SLC19A1: variants seen among roughly 807,000 people sequenced by gnomAD.
SLC19A1 encodes the protein reduced folate transporter.
SLC19A1 carries 37 observed loss-of-function variants against 35.3 expected under a neutral mutation model. The ratio of observed to expected loss-of-function variants is 1.05; its 90% CI spans 0.81 to 1.38. The LOEUF (loss-of-function observed/expected upper bound fraction) is 1.38, where lower values mean the gene tolerates loss of function less well. Ranked by LOEUF, SLC19A1 falls within the 40% of genes most tolerant of loss-of-function variation. SLC19A1 has a pLI of 0.00. For missense variants in SLC19A1, 831 were observed against 826.9 expected (o/e 1.00, Z -0.06); for synonymous variants, 460 against 398.5 (o/e 1.15, Z -1.84).
intron 5 of SLC19A1, among the ~76,000 whole-genome samples, chr21:45,522,489 C>T (rs1414388008): frequency 1.3e-5 from 2 of 152,204 alleles, no homozygotes; most frequent in African/African-American, 4.8e-5. Context: ...ACTTGCACTT[C>T]TGGGCGTCTG....
chr21:45,533,219 G>A lies in SLC19A1; in HGVS notation c.190-1071C>T, dbSNP rs1229735738. The stretch of plus-strand genomic sequence containing the variant: ...CAGCCTTGGCCACTGAGCTGCTGGT[G>A]GACACTCCAGGCCTGGCTTCCATGC... On this transcript the variant is annotated intron_variant, in intron 2 of 5. Coordinates refer to ENST00000311124, the MANE Select transcript of SLC19A1 (RefSeq NM_194255.4). This position sits in a 1 kb window ranked among gnomAD's most constrained non-coding sequence, Gnocchi z 4.5. 3.9e-5 allele frequency among the ~76,000 whole-genome samples: 6 copies of A among 152,340 alleles called. No individual in the cohort carries two copies. The East Asian group carries it at 7.7e-4, about 20-fold the overall frequency.
At chr21:45,503,097 G>T (rs1348789265) in intron 3 of SLC19A1, 3 of 152,188 alleles carry the variant, frequency 2.0e-5, no homozygotes, top group Admixed American at 6.5e-5. Context: ...GTAATGGGAT[G>T]GCTGGGTCAA....
chr21:45,545,628 CACAGAT>C (rs2078406522), upstream of SLC19A1, among the ~76,000 whole-genome samples: 2 of 152,152 alleles, frequency 1.3e-5, no homozygotes, highest in African/African-American at 4.8e-5. Context: ...AAGACATATG[CACAGAT>C]ACAGAGACGT....
At position 45,540,928 on chromosome 21, in the gene SLC19A1, C is replaced by A. The variant is rs577765331; in HGVS notation, c.-50+1440G>T. On this transcript the variant is annotated intron_variant, in intron 1 of 5. Transcript: ENST00000311124. This position sits in a 1 kb window ranked among gnomAD's most constrained non-coding sequence, Gnocchi z 5.5. ...CAGAGACCCGCAATCAAAACACAAG[C>A]AAACGCCACCTATCATTCCGTGTTT... is the stretch of plus-strand genomic sequence containing the variant. 6.6e-6 allele frequency among the ~76,000 whole-genome samples: 1 copy of A among 152,310 alleles called. No individual in the cohort carries two copies. The highest frequency in any genetic ancestry group is 2.1e-4 in the South Asian group (1 of 4,826).
At chr21:45,504,768 C>T (rs530826969) in intron 3 of SLC19A1, among the ~76,000 whole-genome samples, 238 of 152,254 alleles carry the variant, frequency 1.6e-3, no homozygotes, top group African/African-American at 3.6e-3. Context: ...CCCCCTGCAG[C>T]GTTCCATGGC....
upstream of SLC19A1, among the ~76,000 whole-genome samples, chr21:45,545,243 G>C (rs2078401590): frequency 6.6e-6 from 1 of 152,214 alleles, no homozygotes; most frequent in Admixed American, 6.5e-5. Context: ...GTTGGAAGTG[G>C]GGCCTGGCGG....
intron 1 of SLC19A1, among the ~76,000 whole-genome samples, chr21:45,555,934 C>T (rs3827266): frequency 0.35 from 52,571 of 152,014 alleles, 9,276 homozygotes; most frequent in East Asian, 0.45. Context: ...GAGATGGCCA[C>T]GGTGCGCATG....
intron 2 of SLC19A1, among the ~76,000 whole-genome samples, chr21:45,535,614 G>A (rs1309469555): frequency 2.0e-5 from 3 of 152,204 alleles, no homozygotes; most frequent in South Asian, 2.1e-4. Context: ...TGCAGAGGAA[G>A]CAGCATTCGC....
chr21:45,509,346 C>G (rs1420368495), downstream of SLC19A1: 1 of 1,545,052 alleles, frequency 6.5e-7, no homozygotes. Flanking sequence ...CCCACGTCTC[C>G]CACCTGCAGG....
rs2037102225 is a variant in SLC19A1 at position 45,504,949 on chromosome 21, C to T, written c.498-6337G>A. ...TCTGCTGGTCTCTCCCCCGGGATCGCACCCCCAGGGAAGAAGGGGTGATGG... is the reference window on the plus strand; with the variant it reads ...TCTGCTGGTCTCTCCCCCGGGATCGTACCCCCAGGGAAGAAGGGGTGATGG... On this transcript the variant is annotated intron_variant, in intron 3 of 4. Transcript: ENST00000417954. Among the ~76,000 whole-genome samples, 5 of 152,126 alleles carry T rather than the reference C, an allele frequency of 3.3e-5. No individual in the cohort carries two copies. The South Asian group carries it at 1.0e-3, about 32-fold the overall frequency.
At chr21:45,545,721 T>C (rs556460797), upstream of SLC19A1, among the ~76,000 whole-genome samples, 2 of 152,136 alleles carry the variant, frequency 1.3e-5, no homozygotes, top group African/African-American at 4.8e-5. Flanking sequence ...GCACCCCATA[T>C]GCAGGAAGAC....
chr21:45,503,996 G>C lies in SLC19A1; in HGVS notation c.498-5384C>G, dbSNP rs770863635. 1.5e-5 allele frequency: 24 copies of C among 1,613,612 alleles called. No homozygotes were observed. The highest frequency in any genetic ancestry group is 8.8e-5 in the South Asian group (8 of 91,090). On this transcript the variant is annotated intron_variant, in intron 3 of 4. Coordinates refer to the SLC19A1 transcript ENST00000417954. The stretch of plus-strand genomic sequence containing the variant: ...ACACCACCTCAGCGAGACCCCGCCT[G>C]TCTCTCTCTTGCAGGGCAGTTTCCG...
At chr21:45,536,280 A>T (rs1437222008) in intron 2 of SLC19A1, 1 of 153,836 alleles carries the variant, frequency 6.5e-6, no homozygotes, top group Non-Finnish European at 1.4e-5. Context: ...TTTTTGCTCT[A>T]GAGACTTTTC....
intron 1 of SLC19A1, among the ~76,000 whole-genome samples, chr21:45,551,569 G>A (rs1201124555): frequency 6.6e-6 from 1 of 152,148 alleles, no homozygotes; most frequent in Non-Finnish European, 1.5e-5. Flanking sequence ...TGATTCAAAC[G>A]TTTCCAGTAG....
chr21:45,539,386 A>G (rs1474632726), intron 1 of SLC19A1, among the ~76,000 whole-genome samples: 1 of 152,248 alleles, frequency 6.6e-6, no homozygotes, highest in Non-Finnish European at 1.5e-5. Flanking sequence ...TCCCATCTGC[A>G]CTGGGCTGAC....
downstream of SLC19A1, chr21:45,509,501 A>G: frequency 2.0e-6 from 3 of 1,528,256 alleles, no homozygotes; most frequent in Non-Finnish European, 2.6e-6. Context: ...CCCGAGCCCC[A>G]GCCCTACCCC....
chr21:45,510,090 CCT>C (rs398122391), downstream of SLC19A1: 487 of 1,585,422 alleles, frequency 3.1e-4, no homozygotes, highest in Admixed American at 3.3e-4. Context: ...TCAACAGCCC[CCT>C]GTCAGGCGGC....
rs1253773792 is a variant in SLC19A1, at chr21:45,540,269, G to A, written c.-50+2099C>T. Among the ~76,000 whole-genome samples, 3 of 152,156 alleles carry A rather than the reference G, an allele frequency of 2.0e-5. No homozygotes were observed. Among genetic ancestry groups the A allele is most frequent in the Non-Finnish European group, 1.5e-5 (1 of 68,026 alleles). On this transcript the variant is annotated intron_variant, in intron 1 of 5. Transcript: ENST00000311124. This position sits in a 1 kb window ranked among gnomAD's most constrained non-coding sequence, Gnocchi z 5.5. Reference sequence around the variant, plus strand: ...CACCTGTCAGCAGGTTTAGACAGGCGCACCGATCCCCAGACAACCAGAGCA... The same window carrying A: ...CACCTGTCAGCAGGTTTAGACAGGCACACCGATCCCCAGACAACCAGAGCA...
intron 2 of SLC19A1, among the ~76,000 whole-genome samples, chr21:45,536,771 CG>C (rs2078126452): frequency 6.6e-6 from 1 of 152,140 alleles, no homozygotes; most frequent in Admixed American, 6.5e-5. Context: ...GAGCAGAGGA[CG>C]GGGTCAGCGG....
Sources: gnomAD v4.1 joint callset for allele counts (sites outside exome capture counted in the v4.1 genomes callset) on GRCh38, gnomAD v4.1.1 for gene constraint, Gnocchi (gnomAD v3.1) non-coding constraint, MANE v1.5 for transcripts, NCBI Gene and HGNC (gene_info 2026-07-23, HGNC 2026-07-21) for gene names.